The following SYK variants were observed in gnomAD, a reference collection of about 807,000 sequenced individuals.
SYK encodes tyrosine-protein kinase SYK.
In SYK, 16 loss-of-function variants were observed where a neutral mutation model predicts 77.8. The observed-to-expected ratio is 0.21, with a 90% CI of 0.14 to 0.31. The LOEUF is 0.31. Ranked by LOEUF, SYK falls within the 10% of genes least tolerant of loss-of-function variation. SYK has a pLI of 1.00. For synonymous variants in SYK, 312 were observed against 308.7 expected (o/e 1.01, Z -0.11); for missense variants, 529 against 814.4 (o/e 0.65, Z 4.26).
chr9:90,890,994 T>C (rs916957160), intron 13 of SYK, among the ~76,000 whole-genome samples: 4 of 152,196 alleles, frequency 2.6e-5, no homozygotes, highest in African/African-American at 9.7e-5. Flanking sequence ...GCAAGGGTTT[T>C]ATAGACGAGC....
At chr9:90,828,280 G>T (rs1203917541) in intron 1 of SYK, among the ~76,000 whole-genome samples, 5 of 137,004 alleles carry the variant, frequency 3.6e-5, no homozygotes, top group African/African-American at 5.5e-5. Context: ...GAGTAGGAAA[G>T]GATCTTGGGA....
At chr9:90,865,645 T>A (rs950927447) in intron 6 of SYK, among the ~76,000 whole-genome samples, 1 of 152,116 alleles carries the variant, frequency 6.6e-6, no homozygotes, top group South Asian at 2.1e-4. Flanking sequence ...TAGATGAAAT[T>A]CTCTTCATTT....
At chr9:90,805,546 T>G (rs1471963768) in intron 1 of SYK, among the ~76,000 whole-genome samples, 2 of 152,204 alleles carry the variant, frequency 1.3e-5, no homozygotes, top group Non-Finnish European at 2.9e-5. Flanking sequence ...TTTAGGAATA[T>G]CCACAGTTTA....
chr9:90,824,086 A>G (rs1387757722), intron 1 of SYK, among the ~76,000 whole-genome samples: 2 of 152,170 alleles, frequency 1.3e-5, no homozygotes, highest in African/African-American at 4.8e-5. Context: ...GATCTAATGG[A>G]TATAAAAAGA....
At chr9:90,889,600 T>G (rs1356001076) in intron 13 of SYK, among the ~76,000 whole-genome samples, 1 of 152,150 alleles carries the variant, frequency 6.6e-6, no homozygotes. Flanking sequence ...ATAATCTCAT[T>G]CTGTATCTAG....
At chr9:90,822,837 A>T (rs182707922) in intron 1 of SYK, among the ~76,000 whole-genome samples, 1 of 152,230 alleles carries the variant, frequency 6.6e-6, no homozygotes, top group Admixed American at 6.5e-5. Flanking sequence ...ACCTGGAGCT[A>T]ATCATCTCTT....
chr9:90,874,339 G>C (rs199916222), intron 8 of SYK, 48 bp downstream of exon 8: 1 of 1,581,636 alleles, frequency 6.3e-7, no homozygotes, highest in Non-Finnish European at 8.7e-7. Context: ...AAAGTGCGTG[G>C]TCACTTGTAA....
intron 4 of SYK, 126 bp downstream of exon 4, chr9:90,862,470 C>A: frequency 8.2e-7 from 1 of 1,220,986 alleles, no homozygotes; most frequent in Non-Finnish European, 1.1e-6. Flanking sequence ...CCCAGGCCAG[C>A]AGTAGCTCTG....
upstream of SYK, chr9:90,801,751 C>G (rs934911878): frequency 6.6e-6 from 1 of 152,188 alleles, no homozygotes. Flanking sequence ...AAGTGCGGGC[C>G]GCCTGCCCGG....
At chr9:90,859,911 A>G (rs766107910) in intron 3 of SYK, among the ~76,000 whole-genome samples, 1 of 152,230 alleles carries the variant, frequency 6.6e-6, no homozygotes, top group Non-Finnish European at 1.5e-5. Context: ...GAAAATGTCA[A>G]TCAAGACATA....
In SYK at chr9:90,841,953, T is replaced by C. The variant is rs545581651; in HGVS notation, c.-41-1905T>C. On this transcript the variant is annotated intron_variant, in intron 1 of 13. Transcript: ENST00000375754. ...TGGTGTGTGTAGTGTGTGTGGTGTG[T>C]GTAGTGTGTTGTATGTGGAGTGTAT... is the stretch of plus-strand genomic sequence containing the variant. Among the ~76,000 whole-genome samples the C allele has an allele frequency of 1.6e-3, 240 of 149,806 alleles. 2 individuals are homozygous for C. Among genetic ancestry groups the C allele is most frequent in the African/African-American group, 5.6e-3 (227 of 40,870 alleles).
intron 4 of SYK, among the ~76,000 whole-genome samples, chr9:90,863,031 T>C (rs1421389209): frequency 6.6e-6 from 1 of 152,182 alleles, no homozygotes; most frequent in Non-Finnish European, 1.5e-5. Flanking sequence ...TAGAAAACCC[T>C]GAAACAACTC....
At chr9:90,856,816 G>C (rs1827055264) in intron 3 of SYK, among the ~76,000 whole-genome samples, 1 of 152,046 alleles carries the variant, frequency 6.6e-6, no homozygotes, top group African/African-American at 2.4e-5. Flanking sequence ...TATGTTTTCA[G>C]TGATCTTTCT....
chr9:90,873,154 C>T (rs1827794398), intron 7 of SYK, among the ~76,000 whole-genome samples: 1 of 152,092 alleles, frequency 6.6e-6, no homozygotes, highest in Non-Finnish European at 1.5e-5. Flanking sequence ...TTTGGTTTCT[C>T]GCCTTGTAAT....
intron 7 of SYK, among the ~76,000 whole-genome samples, chr9:90,871,085 C>A (rs960115703): frequency 2.0e-5 from 3 of 152,148 alleles, no homozygotes; most frequent in Admixed American, 2.0e-4. Flanking sequence ...TTAAACCTTA[C>A]CAATAGGAAA....
In SYK at chr9:90,809,249, T is replaced by G. The variant is rs139376146; in HGVS notation, c.-42+7356T>G. 1.1e-4 allele frequency among the ~76,000 whole-genome samples: 17 copies of G among 152,318 alleles called. 1 individual carries two copies. The highest frequency in any genetic ancestry group is 3.6e-4 in the African/African-American group (15 of 41,570). On this transcript the variant is annotated intron_variant, in intron 1 of 13. Coordinates refer to ENST00000375754, the MANE Select transcript of SYK (RefSeq NM_003177.7). ...ATACCGAGGGTCCAAATTCATAGAT[T>G]CTTAGAAGCCTGTTTAAATATGCAG...
At chr9:90,864,279 A>T (rs1276378646) in intron 4 of SYK, among the ~76,000 whole-genome samples, 1 of 152,210 alleles carries the variant, frequency 6.6e-6, no homozygotes, top group African/African-American at 2.4e-5. Context: ...GTATGCTGTT[A>T]AAGGTGTTGT....
intron 2 of SYK, among the ~76,000 whole-genome samples, chr9:90,845,136 A>T (rs1428436098): frequency 1.3e-5 from 2 of 152,156 alleles, no homozygotes; most frequent in Non-Finnish European, 2.9e-5. Context: ...GGGTTTCACC[A>T]TGCTGGCCAG....
rs1828652773 is a variant in SYK, at chr9:90,888,258, A to G, written c.1723-257A>G. On this transcript the variant is annotated intron_variant, in intron 12 of 13. Transcript: ENST00000375754. ...TTAGCATGCAGTACAGTGGTTTTCC[A>G]CAAATGAAACATACCCATGAAATCA... is the stretch of plus-strand genomic sequence containing the variant. Among the ~76,000 whole-genome samples the G allele has an allele frequency of 2.6e-5, 4 of 152,350 alleles. 1 individual carries two copies. In the Middle Eastern group the frequency reaches 0.014, roughly 518 times the overall value.
Sources: gnomAD v4.1 joint callset for allele counts (sites outside exome capture counted in the v4.1 genomes callset) on GRCh38, gnomAD v4.1.1 for gene constraint, MANE v1.5 for transcripts, NCBI Gene and HGNC (gene_info 2026-07-23, HGNC 2026-07-21) for gene names.